SPAG16: variants seen among roughly 807,000 people sequenced by gnomAD.
SPAG16 encodes sperm associated antigen 16.
SPAG16 carries 86 observed loss-of-function variants against 80.4 expected under a neutral mutation model. The ratio of observed to expected loss-of-function variants is 1.07; its 90% CI spans 0.90 to 1.28. The LOEUF is 1.28. SPAG16 is among the 50% of genes most tolerant of loss of function. The pLI, the probability that SPAG16 is intolerant of heterozygous loss-of-function variation, is 0.00. For synonymous variants in SPAG16, 294 were observed against 265.9 expected (o/e 1.11, Z -1.03); for missense variants, 870 against 765.3 (o/e 1.14, Z -1.61).
chr2:213,488,342 A>G (rs1048588626), intron 9 of SPAG16, among the ~76,000 whole-genome samples: 3 of 152,182 alleles, frequency 2.0e-5, no homozygotes, highest in Admixed American at 6.5e-5. Flanking sequence ...CAGCTTTTCT[A>G]AAAAGCAGTC....
chr2:213,598,361 A>G lies in SPAG16; in HGVS notation c.1070+108271A>G, dbSNP rs534785716. 6.6e-5 allele frequency among the ~76,000 whole-genome samples: 10 copies of G among 152,302 alleles called. No homozygotes were observed. In the South Asian group the frequency reaches 2.1e-3, roughly 32 times the overall value. Reference sequence around the variant, plus strand: ...ATTAATAATGATATTTTACCTATACAGTGAGTAGTTTTAAGATGCCTTTTG... The same window carrying G: ...ATTAATAATGATATTTTACCTATACGGTGAGTAGTTTTAAGATGCCTTTTG... On this transcript the variant is annotated intron_variant, in intron 10 of 15. Coordinates refer to ENST00000331683, the MANE Select transcript of SPAG16 (RefSeq NM_024532.5).
chr2:213,925,341 T>C (rs2078418594), intron 11 of SPAG16, among the ~76,000 whole-genome samples: 1 of 147,104 alleles, frequency 6.8e-6, no homozygotes, highest in Admixed American at 7.1e-5. Flanking sequence ...TACTTGTTCT[T>C]GTTTCTTTTC....
chr2:214,295,551 G>C (rs1026879597), intron 15 of SPAG16, among the ~76,000 whole-genome samples: 1 of 152,144 alleles, frequency 6.6e-6, no homozygotes, highest in Non-Finnish European at 1.5e-5. Context: ...AGCACTTTGG[G>C]AGGCCGAGGT....
chr2:213,331,461 A>T (rs945266191), intron 5 of SPAG16, among the ~76,000 whole-genome samples: 1 of 152,244 alleles, frequency 6.6e-6, no homozygotes, highest in Non-Finnish European at 1.5e-5. Flanking sequence ...TATTAGAGCT[A>T]AAGAGAGGGA....
intron 12 of SPAG16, among the ~76,000 whole-genome samples, chr2:213,994,257 A>G (rs2046411811): frequency 2.0e-5 from 3 of 152,146 alleles, no homozygotes; most frequent in Non-Finnish European, 4.4e-5. Context: ...AACGTGCCCT[A>G]ATGTAGTTCA....
intron 15 of SPAG16, among the ~76,000 whole-genome samples, chr2:214,354,976 T>C (rs1039571921): frequency 1.3e-5 from 2 of 152,124 alleles, no homozygotes; most frequent in African/African-American, 4.8e-5. Flanking sequence ...CTTTTCCTAA[T>C]TGAATACCCT....
At chr2:213,817,029 C>A (rs2072585145) in intron 10 of SPAG16, among the ~76,000 whole-genome samples, 1 of 151,362 alleles carries the variant, frequency 6.6e-6, no homozygotes, top group Admixed American at 6.6e-5. Context: ...TCTTATAGAG[C>A]CTGATATTTT....
rs570220009 is a variant in SPAG16 at position 214,129,787 on chromosome 2, A to G, written c.1594-19353A>G. 1.2e-4 allele frequency among the ~76,000 whole-genome samples: 18 copies of G among 152,280 alleles called. No homozygotes were observed. The South Asian group carries it at 2.9e-3, about 25-fold the overall frequency. ...ATCTTTCAGAAATATATTGATAATC[A>G]CTAACATTTTCCTTTTGAAATTGAG... On this transcript the variant is annotated intron_variant, in intron 14 of 15. Transcript: ENST00000331683.
At chr2:213,795,703 C>A (rs1028695382) in intron 10 of SPAG16, among the ~76,000 whole-genome samples, 1 of 152,164 alleles carries the variant, frequency 6.6e-6, no homozygotes, top group East Asian at 1.9e-4. Context: ...ACCATCCCCT[C>A]AGTGCTGTTC....
chr2:214,247,018 T>C (rs902899213), intron 15 of SPAG16, among the ~76,000 whole-genome samples: 6 of 152,168 alleles, frequency 3.9e-5, no homozygotes, highest in Admixed American at 2.0e-4. Flanking sequence ...AAATGTTTTT[T>C]AGTTTTAATT....
In SPAG16 at chr2:213,720,272, A is replaced by G. The variant is rs866123977; in HGVS notation, c.1071-142213A>G. On this transcript the variant is annotated intron_variant, in intron 10 of 15. Coordinates refer to ENST00000331683, the MANE Select transcript of SPAG16 (RefSeq NM_024532.5). The stretch of plus-strand genomic sequence containing the variant: ...GATGGGTGCAGCAAACCATCATGGC[A>G]CGTGTATACCTATGTAATAAACCTG... Among the ~76,000 whole-genome samples, 5 of 152,134 alleles carry G rather than the reference A, an allele frequency of 3.3e-5. No homozygotes were observed. In the Middle Eastern group the frequency reaches 0.01, roughly 310 times the overall value.
At chr2:213,675,142 T>G (rs780664337) in intron 10 of SPAG16, among the ~76,000 whole-genome samples, 30 of 152,220 alleles carry the variant, frequency 2.0e-4, no homozygotes, top group Non-Finnish European at 3.5e-4. Flanking sequence ...CCAGTGATGG[T>G]GAGCATGTTT....
intron 5 of SPAG16, among the ~76,000 whole-genome samples, 162 bp from the exon 6 acceptor site, chr2:213,340,001 T>TA (rs1162670173): frequency 6.6e-6 from 1 of 152,188 alleles, no homozygotes. Context: ...AATATGACCT[T>TA]ATACAAATTA....
At chr2:213,404,388 C>G (rs568139437) in intron 9 of SPAG16, among the ~76,000 whole-genome samples, 1,624 of 152,134 alleles carry the variant, frequency 0.011, 30 homozygotes, top group African/African-American at 0.036. Context: ...GAACAGAGCC[C>G]TCAGAAATAA....
intron 10 of SPAG16, among the ~76,000 whole-genome samples, chr2:213,573,327 T>G (rs2059996825): frequency 6.6e-6 from 1 of 152,274 alleles, no homozygotes; most frequent in Non-Finnish European, 1.5e-5. Flanking sequence ...TTAATTCTAA[T>G]TACCTAGAAC....
intron 10 of SPAG16, among the ~76,000 whole-genome samples, chr2:213,749,484 G>A (rs1019717466): frequency 2.0e-5 from 3 of 152,150 alleles, no homozygotes; most frequent in African/African-American, 7.2e-5. Context: ...CGTGACAAGG[G>A]CAGATAACTG....
chr2:213,984,367 T>C (rs1575732077), intron 12 of SPAG16, among the ~76,000 whole-genome samples: 1 of 152,086 alleles, frequency 6.6e-6, no homozygotes, highest in African/African-American at 2.4e-5. Context: ...CAACCAAATA[T>C]ATACAATATA....
At chr2:214,255,784 A>C (rs954592437) in intron 15 of SPAG16, among the ~76,000 whole-genome samples, 13 of 151,976 alleles carry the variant, frequency 8.6e-5, no homozygotes, top group African/African-American at 2.7e-4. Context: ...CATATGTGTT[A>C]ATGTGTATAT....
rs570889435 is a variant in SPAG16, at chr2:213,600,881, T to C, written c.1070+110791T>C. ...GAAGGTTCACTTAAAAGTTAATTGATAAAAGGCAAATTAGTATGAGAAATG... is the reference window on the plus strand; with the variant it reads ...GAAGGTTCACTTAAAAGTTAATTGACAAAAGGCAAATTAGTATGAGAAATG... On this transcript the variant is annotated intron_variant, in intron 10 of 15. Transcript: ENST00000331683. 5.3e-5 allele frequency among the ~76,000 whole-genome samples: 8 copies of C among 152,256 alleles called. No individual in the cohort carries two copies. In the East Asian group the frequency reaches 1.3e-3, roughly 26 times the overall value.
Sources: gnomAD v4.1 joint callset for allele counts (sites outside exome capture counted in the v4.1 genomes callset) on GRCh38, gnomAD v4.1.1 for gene constraint, MANE v1.5 for transcripts, NCBI Gene and HGNC (gene_info 2026-07-23, HGNC 2026-07-21) for gene names.